Variants in RMND1 observed in about 807,000 individuals in gnomAD.
RMND1 encodes the protein required for meiotic nuclear division protein 1 homolog.
In RMND1, 41 loss-of-function variants were observed where a neutral mutation model predicts 54.0. The ratio of observed to expected loss-of-function variants is 0.76; its 90% CI spans 0.59 to 0.98. The LOEUF (loss-of-function observed/expected upper bound fraction) is 0.98, where lower values mean the gene tolerates loss of function less well. Among genes scored for constraint, RMND1 ranks in the 50% least tolerant of loss-of-function variants. RMND1 has a pLI of 0.00. For missense variants in RMND1, 457 were observed against 532.0 expected (o/e 0.86, Z 1.39); for synonymous variants, 183 against 181.7 (o/e 1.01, Z -0.06).
intron 4 of RMND1, among the ~76,000 whole-genome samples, chr6:151,431,312 AGT>A (rs1312363118): frequency 2.0e-5 from 3 of 152,124 alleles, no homozygotes. Flanking sequence ...AACTTTATGC[AGT>A]GATAGAGAAT....
chr6:151,451,112 A>G lies in RMND1; in HGVS notation c.-15+904T>C, dbSNP rs961259853. The stretch of plus-strand genomic sequence containing the variant: ...CTAGGAAAACCAGAGACCTTTGTGC[A>G]CTTGTTTATCTGCTGACCTTCCCTC... On this transcript the variant is annotated intron_variant, in intron 1 of 11. Transcript: ENST00000444024. 4.0e-5 allele frequency among the ~76,000 whole-genome samples: 6 copies of G among 150,126 alleles called. 1 individual carries two copies. Among genetic ancestry groups the G allele is most frequent in the African/African-American group, 1.5e-4 (6 of 40,802 alleles).
At chr6:151,437,321 G>C (rs534395672) in intron 2 of RMND1, among the ~76,000 whole-genome samples, 1 of 152,282 alleles carries the variant, frequency 6.6e-6, no homozygotes, top group South Asian at 2.1e-4. Flanking sequence ...GCTATTTTAT[G>C]AAGTTTTCTG....
intron 3 of RMND1, among the ~76,000 whole-genome samples, chr6:151,434,230 G>C (rs1237533776): frequency 6.6e-6 from 1 of 151,944 alleles, no homozygotes; most frequent in Non-Finnish European, 1.5e-5. Flanking sequence ...TTTATCATAA[G>C]CATATATTCC....
intron 1 of RMND1, among the ~76,000 whole-genome samples, chr6:151,450,128 G>A (rs995891649): frequency 2.0e-5 from 3 of 151,374 alleles, no homozygotes; most frequent in African/African-American, 7.3e-5. Context: ...AGTGAGGAGC[G>A]TCTCTGCCCG....
intron 2 of RMND1, among the ~76,000 whole-genome samples, chr6:151,440,750 T>C (rs577812657): frequency 2.1e-4 from 32 of 152,378 alleles, no homozygotes; most frequent in Admixed American, 1.3e-3. Flanking sequence ...CACTTTGTTT[T>C]GGTTTTGTTT....
intron 1 of RMND1, among the ~76,000 whole-genome samples, chr6:151,451,225 C>G (rs1469185186): frequency 4.0e-5 from 6 of 149,072 alleles, no homozygotes; most frequent in Non-Finnish European, 6.0e-5. Flanking sequence ...AAAAACACAA[C>G]CAGCATCCAT....
At chr6:151,423,479 G>T (rs770847813) in intron 7 of RMND1, 46 bp downstream of exon 7, 2 of 1,209,454 alleles carry the variant, frequency 1.7e-6, no homozygotes, top group Non-Finnish European at 2.4e-6. Context: ...TTCCCTCAGT[G>T]AAATGACAAC....
rs1780916906 is a variant in RMND1, at chr6:151,445,228, T to A, written c.504+80A>T. The A allele has an allele frequency of 2.1e-6, 3 of 1,451,568 alleles. No individual in the cohort carries two copies. In the East Asian group the frequency reaches 6.9e-5, roughly 33 times the overall value. The allele number at this position is 1,451,568 out of a possible 1,614,324, so 89.9% of individuals were successfully genotyped here. A position where few individuals can be genotyped will look rare whatever the true frequency, so the allele number is the denominator to read the frequency against. On this transcript the variant is annotated intron_variant, in intron 2 of 11. Transcript: ENST00000444024. ...ACTGCTAGTTCTCTTACGTTGGCGGTAAGGCTGGGGTGCAACGCACACTGG... is the reference window on the plus strand; with the variant it reads ...ACTGCTAGTTCTCTTACGTTGGCGGAAAGGCTGGGGTGCAACGCACACTGG...
At chr6:151,414,352 A>T (rs1779938875) in intron 10 of RMND1, among the ~76,000 whole-genome samples, 1 of 152,212 alleles carries the variant, frequency 6.6e-6, no homozygotes, top group Non-Finnish European at 1.5e-5. Context: ...TATGATTGAA[A>T]AACAGAAACA....
chr6:151,426,233 C>A (rs561098229), intron 6 of RMND1, among the ~76,000 whole-genome samples: 12 of 152,252 alleles, frequency 7.9e-5, no homozygotes, highest in African/African-American at 2.9e-4. Context: ...AGGTGTGAGC[C>A]ACCAAATCTG....
At chr6:151,435,436 A>G (rs1171225601) in intron 3 of RMND1, among the ~76,000 whole-genome samples, 1 of 152,048 alleles carries the variant, frequency 6.6e-6, no homozygotes, top group East Asian at 1.9e-4. Context: ...CTGAGCCACC[A>G]TGGCTGGCCT....
At chr6:151,442,819 C>A (rs909591357) in intron 2 of RMND1, among the ~76,000 whole-genome samples, 3 of 151,558 alleles carry the variant, frequency 2.0e-5, no homozygotes, top group East Asian at 3.9e-4. Context: ...AAATTATAGG[C>A]ATAAGCCACT....
At chr6:151,448,080 T>C (rs760131598) in intron 1 of RMND1, among the ~76,000 whole-genome samples, 16 of 152,154 alleles carry the variant, frequency 1.1e-4, no homozygotes, top group Non-Finnish European at 2.1e-4. Flanking sequence ...CCTCCTAAAG[T>C]GTTGGGATTA....
At chr6:151,423,443 T>C (rs1325082765) in intron 7 of RMND1, 82 bp downstream of exon 7, 1 of 876,734 alleles carries the variant, frequency 1.1e-6, no homozygotes, top group African/African-American at 1.7e-5. Flanking sequence ...ATTCTGAAAA[T>C]ATACCAAAAT....
At chr6:151,409,071 A>T (rs953386477) in intron 10 of RMND1, among the ~76,000 whole-genome samples, 2 of 152,218 alleles carry the variant, frequency 1.3e-5, no homozygotes, top group South Asian at 2.1e-4. Flanking sequence ...CAGAATGGTG[A>T]AATAGACATG....
At chr6:151,410,882 C>T (rs6557138) in intron 10 of RMND1, among the ~76,000 whole-genome samples, 82,534 of 152,048 alleles carry the variant, frequency 0.54, 24,954 homozygotes, top group African/African-American at 0.82. Context: ...GTAGATTCTT[C>T]CAGGTCTTCT....
chr6:151,420,106 T>C (rs1780115227), intron 9 of RMND1, among the ~76,000 whole-genome samples: 1 of 152,204 alleles, frequency 6.6e-6, no homozygotes, highest in Admixed American at 6.5e-5. Flanking sequence ...TTATAGAAAC[T>C]ATTCACAAAC....
chr6:151,419,821 T>C (rs1780108215), intron 9 of RMND1, among the ~76,000 whole-genome samples: 2 of 151,956 alleles, frequency 1.3e-5, no homozygotes, highest in African/African-American at 4.8e-5. Flanking sequence ...GACAGGCCTG[T>C]AGAGACACTT....
At chr6:151,407,422 T>C (rs1372634404) in intron 10 of RMND1, among the ~76,000 whole-genome samples, 1 of 152,178 alleles carries the variant, frequency 6.6e-6, no homozygotes, top group Non-Finnish European at 1.5e-5. Context: ...ATTCAGCCTC[T>C]TGCATTTTCT....
Sources: gnomAD v4.1 joint callset for allele counts (sites outside exome capture counted in the v4.1 genomes callset) on GRCh38, gnomAD v4.1.1 for gene constraint, MANE v1.5 for transcripts, NCBI Gene and HGNC (gene_info 2026-07-23, HGNC 2026-07-21) for gene names.